ADAMTS12: variants seen among roughly 807,000 people sequenced by gnomAD.
ADAMTS12 encodes ADAM metallopeptidase with thrombospondin type 1 motif 12.
ADAMTS12 carries 118 observed loss-of-function variants against 167.8 expected under a neutral mutation model. The ratio of observed to expected loss-of-function variants is 0.70; its 90% CI spans 0.61 to 0.82. The LOEUF (loss-of-function observed/expected upper bound fraction) is 0.82. ADAMTS12 is among the 40% of genes least tolerant of loss of function. The pLI, the probability that ADAMTS12 is intolerant of heterozygous loss-of-function variation, is 0.00. For synonymous variants in ADAMTS12, 704 were observed against 716.9 expected, an observed-to-expected ratio of 0.98 and a Z score of 0.29; for missense variants, 1,916 against 1,998.8, an observed-to-expected ratio of 0.96 and a Z score of 0.79.
At chr5:33,842,901 G>A (rs761452371) in intron 2 of ADAMTS12, among the ~76,000 whole-genome samples, 1 of 152,196 alleles carries the variant, frequency 6.6e-6, no homozygotes, top group African/African-American at 2.4e-5. Context: ...GTAGAGCTGG[G>A]AATCTGTAGC....
intron 2 of ADAMTS12, among the ~76,000 whole-genome samples, chr5:33,821,634 C>T (rs1300011703): frequency 2.0e-5 from 3 of 152,146 alleles, no homozygotes; most frequent in South Asian, 2.1e-4. Flanking sequence ...TCTAAGTACT[C>T]GTTGTTAGCT....
chr5:33,683,933 C>A lies in ADAMTS12; in HGVS notation c.757G>T (p.Val253Leu), dbSNP rs760239542. ...TATTCAATCATCTTTGTGTCGGCCACCACCAGTGTCTCCACCCATCTCTCC... is the reference window on the plus strand; with the variant it reads ...TATTCAATCATCTTTGTGTCGGCCAACACCAGTGTCTCCACCCATCTCTCC... Reference protein sequence around the residue: ...SKERWVETLVVADTKMIEYHG... With the variant: ...SKERWVETLVLADTKMIEYHG... Residue 253 changes from valine (V) to leucine (L), a missense_variant, in exon 4 of 24, where the codon GTG becomes TTG. By Grantham distance (32) the Val-to-Leu change is conservative (BLOSUM62 1). Coordinates refer to ENST00000504830, the MANE Select transcript of ADAMTS12 (RefSeq NM_030955.4). 4 of 1,609,994 alleles carry A rather than the reference C, an allele frequency of 2.5e-6. No individual in the cohort carries two copies. Among genetic ancestry groups the A allele is most frequent in the Non-Finnish European group, 3.4e-6 (4 of 1,178,324 alleles).
At position 33,526,276 on chromosome 5, in the gene ADAMTS12, G is replaced by A. The variant is rs1415565460; in HGVS notation, c.*912C>T. 2.6e-5 allele frequency: 4 copies of A among 152,246 alleles called. No homozygotes were observed. The highest frequency in any genetic ancestry group is 1.9e-4 in the East Asian group (1 of 5,174). The allele number at this position is 152,246 out of a possible 1,614,324, so 9.4% of individuals were successfully genotyped here. A position where few individuals can be genotyped will look rare whatever the true frequency, so the allele number is the denominator to read the frequency against. On this transcript the variant is annotated 3_prime_UTR_variant, in exon 24 of 24. Coordinates refer to ENST00000504830, the MANE Select transcript of ADAMTS12 (RefSeq NM_030955.4). ...CAGCCCCTGCAGCAAGACGATGGTG[G>A]GACCTGAGCTCAGGCCTCCTGTGGG...
intron 2 of ADAMTS12, among the ~76,000 whole-genome samples, chr5:33,862,973 C>A (rs1025435847): frequency 3.3e-5 from 5 of 152,078 alleles, no homozygotes; most frequent in African/African-American, 1.2e-4. Context: ...ACAGAAAAGG[C>A]CTTCGATAAA....
chr5:33,750,866 C>T (rs1470655925), intron 3 of ADAMTS12, among the ~76,000 whole-genome samples: 1 of 152,108 alleles, frequency 6.6e-6, no homozygotes, highest in African/African-American at 2.4e-5. Context: ...CACTGTGTAG[C>T]CAAAAGAGGC....
In ADAMTS12 at chr5:33,630,922, A is replaced by G; in HGVS notation, c.1889-9T>C. 1 of 1,610,634 alleles carries G rather than the reference A, an allele frequency of 6.2e-7. No homozygotes were observed. The highest frequency in any genetic ancestry group is 8.5e-7 in the Non-Finnish European group (1 of 1,177,534). ...GAGCTCACAAGGATGTGCTGAAGGG[A>G]AAAAAGAAGGCAAAGCCTTGCAAAT... On this transcript the variant is annotated splice_polypyrimidine_tract_variant and intron_variant, in intron 12 of 23. Transcript: ENST00000504830.
At chr5:33,887,520 G>A (rs1561330184) in intron 1 of ADAMTS12, among the ~76,000 whole-genome samples, 1 of 152,292 alleles carries the variant, frequency 6.6e-6, no homozygotes, top group East Asian at 1.9e-4. Context: ...ACAAGGGTTT[G>A]TAGAAATATT....
At chr5:33,798,510 G>A (rs1284650290) in intron 2 of ADAMTS12, among the ~76,000 whole-genome samples, 5 of 145,188 alleles carry the variant, frequency 3.4e-5, no homozygotes, top group Non-Finnish European at 4.5e-5. Flanking sequence ...GTGCAATCTC[G>A]GCTCACTGCA....
chr5:33,877,808 A>G, intron 2 of ADAMTS12, among the ~76,000 whole-genome samples: 2 of 152,264 alleles, frequency 1.3e-5, no homozygotes, highest in East Asian at 3.9e-4. Flanking sequence ...GTTTGAAATC[A>G]TCTGAGTCTG....
At chr5:33,838,769 A>AC (rs1221675484) in intron 2 of ADAMTS12, among the ~76,000 whole-genome samples, 1 of 152,040 alleles carries the variant, frequency 6.6e-6, no homozygotes, top group Non-Finnish European at 1.5e-5. Flanking sequence ...AGAGAAGAGG[A>AC]CCTGGGGAGG....
intron 3 of ADAMTS12, among the ~76,000 whole-genome samples, chr5:33,750,542 A>G (rs1387010074): frequency 2.6e-5 from 4 of 152,270 alleles, no homozygotes; most frequent in Non-Finnish European, 5.9e-5. Flanking sequence ...CATTGTTTCC[A>G]AATCCTCAAG....
chr5:33,819,104 T>C (rs1747778041), intron 2 of ADAMTS12, among the ~76,000 whole-genome samples: 1 of 152,144 alleles, frequency 6.6e-6, no homozygotes, highest in Non-Finnish European at 1.5e-5. Context: ...GTCCTATTTA[T>C]TTATTTTTGC....
intron 18 of ADAMTS12, among the ~76,000 whole-genome samples, chr5:33,582,424 CT>C (rs1400535066): frequency 2.0e-5 from 3 of 152,202 alleles, no homozygotes; most frequent in East Asian, 3.9e-4. Context: ...AAAAATGCCC[CT>C]ATCCCTCCAT....
intron 12 of ADAMTS12, among the ~76,000 whole-genome samples, chr5:33,633,554 C>T (rs892351490): frequency 2.0e-5 from 3 of 152,032 alleles, no homozygotes; most frequent in Non-Finnish European, 4.4e-5. Flanking sequence ...TGAAAGCAGT[C>T]ATCCTAAATG....
intron 2 of ADAMTS12, among the ~76,000 whole-genome samples, chr5:33,798,565 C>T (rs1419753894): frequency 6.6e-6 from 1 of 151,532 alleles, no homozygotes; most frequent in African/African-American, 2.4e-5. Flanking sequence ...CTCAGCCTCC[C>T]GAGTAGCTGG....
chr5:33,743,967 G>T (rs371664132), intron 3 of ADAMTS12, among the ~76,000 whole-genome samples: 1 of 152,184 alleles, frequency 6.6e-6, no homozygotes, highest in East Asian at 1.9e-4. Flanking sequence ...TCCAGGAAAG[G>T]GTGGCTATCC....
chr5:33,658,579 C>T (rs375585163), intron 6 of ADAMTS12, among the ~76,000 whole-genome samples: 1 of 152,122 alleles, frequency 6.6e-6, no homozygotes, highest in East Asian at 1.9e-4. Flanking sequence ...TTATTTTGAG[C>T]TTATTTTGCT....
At chr5:33,582,683 C>A (rs1215742729) in intron 18 of ADAMTS12, among the ~76,000 whole-genome samples, 1 of 152,158 alleles carries the variant, frequency 6.6e-6, no homozygotes. Context: ...TTGTCAGGCG[C>A]AGGAAGGGCC....
intron 19 of ADAMTS12, among the ~76,000 whole-genome samples, chr5:33,570,417 C>A (rs1746264181): frequency 6.6e-6 from 1 of 152,096 alleles, no homozygotes; most frequent in African/African-American, 2.4e-5. Context: ...ACTCTACAAG[C>A]CAGAAGAGAG....
Sources: allele counts gnomAD v4.1 joint callset (sites outside exome capture counted in the v4.1 genomes callset), GRCh38; gene constraint gnomAD v4.1.1; transcripts MANE v1.5; gene names NCBI Gene and HGNC (gene_info 2026-07-23, HGNC 2026-07-21).